The following NAALADL2 variants were observed in gnomAD, a reference collection of about 807,000 sequenced individuals.
NAALADL2 encodes the protein inactive N-acetylated-alpha-linked acidic dipeptidase-like protein 2.
NAALADL2 carries 76 observed loss-of-function variants against 87.2 expected under a neutral mutation model. That is an observed-to-expected ratio of 0.87 (90% CI 0.72 to 1.05). The LOEUF (loss-of-function observed/expected upper bound fraction) is 1.05. Among genes scored for constraint, NAALADL2 ranks in the 50% least tolerant of loss-of-function variants. NAALADL2 has a pLI of 0.00. For missense variants in NAALADL2, 1,089 were observed against 945.8 expected (o/e 1.15, Z -1.99); for synonymous variants, 354 against 331.0 (o/e 1.07, Z -0.75).
At chr3:174,571,856 A>G (rs1293599975) in intron 2 of NAALADL2, among the ~76,000 whole-genome samples, 1 of 152,214 alleles carries the variant, frequency 6.6e-6, no homozygotes, top group African/African-American at 2.4e-5. Flanking sequence ...ACATTGAATA[A>G]ATTGAATTAC....
chr3:174,991,925 G>A (rs1579909065), intron 1 of NAALADL2, among the ~76,000 whole-genome samples: 1 of 151,982 alleles, frequency 6.6e-6, no homozygotes, highest in East Asian at 1.9e-4. Context: ...TTTCAGAGGA[G>A]ATGTGGATCA....
At chr3:175,433,322 C>G (rs1718091441) in intron 5 of NAALADL2, among the ~76,000 whole-genome samples, 1 of 151,964 alleles carries the variant, frequency 6.6e-6, no homozygotes, top group Admixed American at 6.6e-5. Context: ...AATATAACAT[C>G]ATTGGGTTGT....
At chr3:175,160,887 T>C (rs1733099949) in intron 2 of NAALADL2, among the ~76,000 whole-genome samples, 1 of 152,154 alleles carries the variant, frequency 6.6e-6, no homozygotes, top group Admixed American at 6.5e-5. Flanking sequence ...TTCATGAAAT[T>C]AATATTTATT....
chr3:174,940,874 A>G (rs1436923906), intron 1 of NAALADL2, among the ~76,000 whole-genome samples: 2 of 151,326 alleles, frequency 1.3e-5, no homozygotes, highest in Non-Finnish European at 2.9e-5. Flanking sequence ...TCTCATTTCT[A>G]ATTGTGTTTA....
rs181527353 is a variant in NAALADL2, at chr3:175,532,598, A to T, written c.1654-43443A>T. ...TAGGCTGCCTATCAATTTTACTTTT[A>T]GGAACACTGTGATTAATTAGCCAAT... is the stretch of plus-strand genomic sequence containing the variant. On this transcript the variant is annotated intron_variant, in intron 9 of 13. Transcript: ENST00000454872. Among the ~76,000 whole-genome samples, 5 of 152,336 alleles carry T rather than the reference A, an allele frequency of 3.3e-5. No individual in the cohort carries two copies. In the East Asian group the frequency reaches 5.8e-4, roughly 18 times the overall value.
intron 2 of NAALADL2, among the ~76,000 whole-genome samples, chr3:174,702,546 C>A (rs1273474066): frequency 1.3e-5 from 2 of 152,098 alleles, no homozygotes; most frequent in African/African-American, 4.8e-5. Context: ...TGTCATAAGG[C>A]AATTTTGTTA....
At chr3:175,250,667 C>T (rs567844946) in intron 3 of NAALADL2, among the ~76,000 whole-genome samples, 3 of 152,222 alleles carry the variant, frequency 2.0e-5, no homozygotes, top group African/African-American at 7.2e-5. Context: ...CAATCTAGTG[C>T]CATCCTTGAA....
At position 174,759,575 on chromosome 3, in the gene NAALADL2, G is replaced by C. The variant is rs1256283860; in HGVS notation, c.-9+21829G>C. ...CACTTTGGTGGATTAGAGGTTCATT[G>C]AAGATTAGTTTTCAATTAAAATATT... On this transcript the variant is annotated intron_variant, in intron 3 of 3. Coordinates refer to the NAALADL2 transcript ENST00000434257. 2.0e-5 allele frequency among the ~76,000 whole-genome samples: 3 copies of C among 152,182 alleles called. No individual in the cohort carries two copies. In the East Asian group the frequency reaches 5.8e-4, roughly 29 times the overall value.
chr3:175,106,026 A>G (rs1349588131), intron 2 of NAALADL2, among the ~76,000 whole-genome samples: 3 of 152,010 alleles, frequency 2.0e-5, no homozygotes, highest in African/African-American at 4.8e-5. Flanking sequence ...ATTTCTGCCT[A>G]AAGGTTTGCT....
At chr3:175,374,169 T>A (rs1468265914) in intron 5 of NAALADL2, among the ~76,000 whole-genome samples, 1 of 152,166 alleles carries the variant, frequency 6.6e-6, no homozygotes, top group Non-Finnish European at 1.5e-5. Context: ...TATTTATTTT[T>A]ATTTTATTGC....
At chr3:175,543,852 G>A (rs1712816194) in intron 9 of NAALADL2, among the ~76,000 whole-genome samples, 1 of 152,116 alleles carries the variant, frequency 6.6e-6, no homozygotes, top group South Asian at 2.1e-4. Context: ...ACATTAATAA[G>A]GAACCTCTCT....
intron 3 of NAALADL2, among the ~76,000 whole-genome samples, chr3:175,238,106 C>T (rs1746227066): frequency 1.3e-5 from 2 of 151,618 alleles, no homozygotes; most frequent in South Asian, 4.1e-4. Context: ...TGAGAGTTTT[C>T]TACATGTTTA....
At position 175,177,635 on chromosome 3, in the gene NAALADL2, G is replaced by T. The variant is rs16824515; in HGVS notation, c.546-56296G>T. On this transcript the variant is annotated intron_variant, in intron 2 of 13. Transcript: ENST00000454872. Reference sequence around the variant, plus strand: ...CATAAAAATGCAAAATATAAAAGGAGCATCTATCGTATAACATACTCTGAC... The same window carrying T: ...CATAAAAATGCAAAATATAAAAGGATCATCTATCGTATAACATACTCTGAC... 5.3e-5 allele frequency among the ~76,000 whole-genome samples: 8 copies of T among 152,142 alleles called. No individual in the cohort carries two copies. In the East Asian group the frequency reaches 1.5e-3, roughly 29 times the overall value.
intron 3 of NAALADL2, among the ~76,000 whole-genome samples, chr3:174,742,892 GT>G (rs1260597289): frequency 6.6e-6 from 1 of 150,898 alleles, no homozygotes; most frequent in African/African-American, 2.4e-5. Flanking sequence ...ACAATGATGT[GT>G]TTTTTTTGTG....
At chr3:175,620,570 G>A (rs1476189485) in intron 10 of NAALADL2, among the ~76,000 whole-genome samples, 1 of 152,072 alleles carries the variant, frequency 6.6e-6, no homozygotes, top group Non-Finnish European at 1.5e-5. Context: ...CTCACAGATC[G>A]GCAGGCAGAA....
At chr3:175,706,173 G>A (rs1739679580) in intron 11 of NAALADL2, among the ~76,000 whole-genome samples, 1 of 151,952 alleles carries the variant, frequency 6.6e-6, no homozygotes, top group Non-Finnish European at 1.5e-5. Context: ...TGTTCTCAAG[G>A]GCTTTATTTG....
At chr3:175,802,880 ATT>A in intron 13 of NAALADL2, 123 bp from the exon 14 acceptor site, 1 of 506,514 alleles carries the variant, frequency 2.0e-6, no homozygotes, top group Non-Finnish European at 3.0e-6. Flanking sequence ...AAATCGTGAT[ATT>A]ATATTTTTAT....
chr3:174,467,430 T>C (rs556450754), intron 1 of NAALADL2, among the ~76,000 whole-genome samples: 1 of 150,888 alleles, frequency 6.6e-6, no homozygotes, highest in Non-Finnish European at 1.5e-5. Context: ...CCGTGGCTAC[T>C]AAAAATACAA....
chr3:175,286,680 T>C (rs1420555992), intron 4 of NAALADL2, among the ~76,000 whole-genome samples: 4 of 152,246 alleles, frequency 2.6e-5, no homozygotes, highest in African/African-American at 9.6e-5. Flanking sequence ...GGCTTTTTAA[T>C]ATCTGTTTTA....
Sources: gnomAD v4.1 joint callset for allele counts (sites outside exome capture counted in the v4.1 genomes callset) on GRCh38, gnomAD v4.1.1 for gene constraint, MANE v1.5 for transcripts, NCBI Gene and HGNC (gene_info 2026-07-23, HGNC 2026-07-21) for gene names.